Variants in ASXL2 observed in about 807,000 individuals in gnomAD.
ASXL2 encodes the protein ASXL transcriptional regulator 2, also known as putative Polycomb group protein ASXL2.
Under a neutral mutation model 122.0 loss-of-function variants are expected in ASXL2, and 23 were observed. The observed-to-expected ratio is 0.19, with a 90% CI of 0.14 to 0.27. The LOEUF is 0.27. Among genes scored for constraint, ASXL2 ranks in the 10% least tolerant of loss-of-function variants. The pLI, the probability that ASXL2 is intolerant of heterozygous loss-of-function variation, is 1.00. For synonymous variants in ASXL2, 650 were observed against 637.0 expected (o/e 1.02, Z -0.31); for missense variants, 1,518 against 1,713.8 (o/e 0.89, Z 2.02).
Position 25,744,199 on chromosome 2 carries a change from C to A in ASXL2, c.2138G>T (p.Gly713Val). The A allele has an allele frequency of 6.2e-7, 1 of 1,614,042 alleles. No individual in the cohort carries two copies. The highest frequency in any genetic ancestry group is 8.5e-7 in the Non-Finnish European group (1 of 1,179,886). The change falls in exon 13 of 13, where the codon GGC becomes GTC. Residue 713 changes from glycine to valine, a missense_variant. Around this residue, in one of 8 missense-constraint regions of ASXL2, gnomAD observed 48 missense variants for 82.1 expected, o/e 0.58. Coordinates refer to ENST00000435504, the MANE Select transcript of ASXL2 (RefSeq NM_018263.6). This position sits in a 1 kb window ranked among gnomAD's most constrained non-coding sequence, Gnocchi z 4.7. ...EGGEGQTARG[G>V]SPGSDRVSET... The stretch of plus-strand genomic sequence containing the variant: ...ACTGACTCTGTCTGAGCCTGGACTG[C>A]CTCCTCTAGCAGTCTGCCCTTCACC...
At position 25,878,021 on chromosome 2, in the gene ASXL2, C is replaced by A. The variant is rs1262847088; in HGVS notation, c.57+145G>T. On this transcript the variant is annotated intron_variant, in intron 1 of 12. Coordinates refer to ENST00000435504, the MANE Select transcript of ASXL2 (RefSeq NM_018263.6). Reference sequence around the variant, plus strand: ...GCCTCCATTCCCACAGGGATCGCAACCCCGACACTAACCGCCGCCCTCTCC... The same window carrying A: ...GCCTCCATTCCCACAGGGATCGCAAACCCGACACTAACCGCCGCCCTCTCC... 12 of 1,014,832 alleles carry A rather than the reference C, an allele frequency of 1.2e-5. No homozygotes were observed. The East Asian group carries it at 2.4e-4, about 21-fold the overall frequency. 62.9% of individuals were successfully genotyped at this position (1,014,832 alleles called of 1,614,324 possible).
At chr2:25,789,533 T>C (rs1480028851) in intron 5 of ASXL2, among the ~76,000 whole-genome samples, 1 of 152,106 alleles carries the variant, frequency 6.6e-6, no homozygotes, top group African/African-American at 2.4e-5. Context: ...TGATAGTTCA[T>C]AGTACTGTTC....
At chr2:25,857,090 C>CA (rs1553706299) in intron 1 of ASXL2, 20 of 58,464 alleles carry the variant, frequency 3.4e-4, no homozygotes, top group Non-Finnish European at 5.0e-4. Flanking sequence ...TTGGGGGGGG[C>CA]GGGGGGGGGG....
chr2:25,857,159 G>T (rs983163707), intron 1 of ASXL2, among the ~76,000 whole-genome samples: 5 of 151,376 alleles, frequency 3.3e-5, no homozygotes, highest in Non-Finnish European at 2.9e-5. Context: ...CCAATATGTG[G>T]TAAGCCATGT....
intron 3 of ASXL2, among the ~76,000 whole-genome samples, chr2:25,814,368 T>C (rs1559518973): frequency 6.6e-6 from 1 of 152,198 alleles, no homozygotes; most frequent in Non-Finnish European, 1.5e-5. Context: ...AGTGAACGAC[T>C]TGAAGAAATA....
At chr2:25,865,774 CAAAAAAAA>C (rs61021417) in intron 1 of ASXL2, among the ~76,000 whole-genome samples, 8 of 55,536 alleles carry the variant, frequency 1.4e-4, no homozygotes, top group Admixed American at 6.1e-4. Context: ...GACTCCGTCT[CAAAAAAAA>C]AAAAAAAAAA....
At chr2:25,760,372 T>A (rs149184902) in intron 8 of ASXL2, among the ~76,000 whole-genome samples, 97 of 152,136 alleles carry the variant, frequency 6.4e-4, no homozygotes, top group African/African-American at 2.1e-3. Flanking sequence ...AAGTAGATGC[T>A]AAAATATTAA....
chr2:25,749,972 G>A lies in ASXL2; in HGVS notation c.1584C>T (p.Pro528=). 1.2e-6 allele frequency: 2 copies of A among 1,613,914 alleles called. No individual in the cohort carries two copies. The highest frequency in any genetic ancestry group is 1.7e-6 in the Non-Finnish European group (2 of 1,179,880). Residue 528 remains proline (P), a synonymous_variant, in exon 12 of 13, where the codon CCC becomes CCT. Transcript: ENST00000435504. ...QESLVTSPSK[P]KSPGVEKPIV... ...TTGGTTTTTCAACCCCAGGACTCTT[G>A]GGTTTGCTTGGCGATGTAACTAAAG...
In ASXL2 at chr2:25,744,585, T is replaced by C. The variant is rs2087908438; in HGVS notation, c.1861-109A>G. On this transcript the variant is annotated intron_variant, in intron 12 of 12. Transcript: ENST00000435504. This position sits in a 1 kb window ranked among gnomAD's most constrained non-coding sequence, Gnocchi z 4.7. ...AAAAACAGATGAACACTACAGTACC[T>C]GTGACAAACATGGGTGGTCTATGGC... is the stretch of plus-strand genomic sequence containing the variant. The C allele has an allele frequency of 4.0e-6, 5 of 1,245,802 alleles. No individual in the cohort carries two copies. Among genetic ancestry groups the C allele is most frequent in the Non-Finnish European group, 5.4e-6 (5 of 921,490 alleles). 77.2% of individuals were successfully genotyped at this position (1,245,802 alleles called of 1,614,324 possible).
Position 25,871,291 on chromosome 2 carries a change from A to G in ASXL2, c.57+6875T>C, listed in dbSNP as rs79118923. On this transcript the variant is annotated intron_variant, in intron 1 of 12. Coordinates refer to ENST00000435504, the MANE Select transcript of ASXL2 (RefSeq NM_018263.6). ...GCCTCCTTCCAGACAGCTTTCGTAG[A>G]GGGGGGGAAAAATGTCCCACAGCAA... Among the ~76,000 whole-genome samples the G allele has an allele frequency of 1.9e-4, 29 of 152,196 alleles. No individual in the cohort carries two copies. In the East Asian group the frequency reaches 4.6e-3, roughly 24 times the overall value.
chr2:25,763,684 C>T (rs2088292043), intron 8 of ASXL2, among the ~76,000 whole-genome samples: 1 of 152,152 alleles, frequency 6.6e-6, no homozygotes, highest in South Asian at 2.1e-4. Flanking sequence ...TCCTAAGTGC[C>T]AGACACTGTT....
intron 3 of ASXL2, among the ~76,000 whole-genome samples, chr2:25,827,184 C>T (rs892820533): frequency 6.6e-6 from 1 of 152,036 alleles, no homozygotes; most frequent in Admixed American, 6.6e-5. Flanking sequence ...ATTGTATCTA[C>T]AATCTTTCAT....
chr2:25,874,358 G>A (rs1179194022), intron 1 of ASXL2, among the ~76,000 whole-genome samples: 3 of 152,138 alleles, frequency 2.0e-5, no homozygotes, highest in Non-Finnish European at 2.9e-5. Flanking sequence ...GTATGGCAGC[G>A]CATGCCTGTA....
intron 5 of ASXL2, among the ~76,000 whole-genome samples, chr2:25,779,084 ATTTT>A (rs33911748): frequency 3.0e-5 from 3 of 99,404 alleles, no homozygotes; most frequent in Non-Finnish European, 3.9e-5. Context: ...CTTTTTTCTG[ATTTT>A]TTTTTTTTTT....
intron 3 of ASXL2, among the ~76,000 whole-genome samples, chr2:25,828,824 CA>C (rs1031358836): frequency 0.014 from 721 of 50,144 alleles, no homozygotes; most frequent in South Asian, 0.025. Context: ...GACTGTGTCT[CA>C]AAAAAAAAAA....
At position 25,787,949 on chromosome 2, in the gene ASXL2, A is replaced by AT. The variant is rs1203993893; in HGVS notation, c.403+11435dup. ...AATATTAAAGAACAAAATGGAAAGA[A>AT]TTAAACTATTAGATATCAGGATTAA... On this transcript the variant is annotated intron_variant, in intron 5 of 12. Coordinates refer to ENST00000435504, the MANE Select transcript of ASXL2 (RefSeq NM_018263.6). 2.0e-5 allele frequency among the ~76,000 whole-genome samples: 3 copies of AT among 152,330 alleles called. No individual in the cohort carries two copies. The East Asian group carries it at 5.8e-4, about 29-fold the overall frequency.
Position 25,799,377 on chromosome 2 carries a change from G to A in ASXL2, c.403+8C>T. The A allele has an allele frequency of 6.2e-7, 1 of 1,613,964 alleles. No homozygotes were observed. Among genetic ancestry groups the A allele is most frequent in the Non-Finnish European group, 8.5e-7 (1 of 1,179,866 alleles). ...TTAGTACTTTATTGAAGGATCAGGT[G>A]GATTTACCTTTCCTTTTCCACCTGC... On this transcript the variant is annotated splice_region_variant and intron_variant, in intron 5 of 12. Transcript: ENST00000435504.
intron 1 of ASXL2, among the ~76,000 whole-genome samples, chr2:25,850,415 A>T (rs1433207085): frequency 2.6e-5 from 4 of 152,196 alleles, no homozygotes; most frequent in Admixed American, 2.0e-4. Context: ...AGTAAACTGT[A>T]TTGTAGTTAC....
intron 10 of ASXL2, among the ~76,000 whole-genome samples, chr2:25,755,208 C>T (rs1396665372): frequency 2.6e-5 from 4 of 152,128 alleles, no homozygotes; most frequent in Admixed American, 2.0e-4. Context: ...ATATTAGAAT[C>T]GTTTGGGAAA....
Sources: allele counts gnomAD v4.1 joint callset (sites outside exome capture counted in the v4.1 genomes callset), GRCh38; gene constraint gnomAD v4.1.1; regional missense constraint gnomAD v4.1.1; non-coding constraint Gnocchi (gnomAD v3.1); transcripts MANE v1.5; gene names NCBI Gene and HGNC (gene_info 2026-07-23, HGNC 2026-07-21).